CACNA2D3: variants seen among roughly 807,000 people sequenced by gnomAD.
CACNA2D3 encodes the protein voltage-dependent calcium channel subunit alpha-2/delta-3.
In CACNA2D3, 60 loss-of-function variants were observed where a neutral mutation model predicts 160.6. That is an observed-to-expected ratio of 0.37 (90% CI 0.30 to 0.46). The LOEUF is 0.46. Among genes scored for constraint, CACNA2D3 ranks in the 20% least tolerant of loss-of-function variants. The pLI, the probability that CACNA2D3 is intolerant of heterozygous loss-of-function variation, is 1.00. For missense variants in CACNA2D3, 1,205 were observed against 1,365.0 expected (o/e 0.88, Z 1.85); for synonymous variants, 558 against 492.9 (o/e 1.13, Z -1.75).
At chr3:54,853,870 GTGGGGGGA>G (rs539970825) in intron 17 of CACNA2D3, among the ~76,000 whole-genome samples, 79 of 152,260 alleles carry the variant, frequency 5.2e-4, no homozygotes, top group Middle Eastern at 3.4e-3. Flanking sequence ...GCCTATGGGG[GTGGGGGGA>G]TGGGGAGTTG....
intron 2 of CACNA2D3, among the ~76,000 whole-genome samples, chr3:54,220,595 T>A (rs1406734646): frequency 6.6e-6 from 1 of 152,146 alleles, no homozygotes; most frequent in East Asian, 1.9e-4. Flanking sequence ...CTGGGCAGCC[T>A]GGAGCCTCAG....
rs73093852 is a variant in CACNA2D3 at position 54,549,978 on chromosome 3, G to C, written c.545-12822G>C. 1.1e-3 allele frequency among the ~76,000 whole-genome samples: 174 copies of C among 152,256 alleles called. 1 individual carries two copies. The highest frequency in any genetic ancestry group is 1.5e-3 in the Non-Finnish European group (103 of 68,030). ...CTTCCCTGAGTGAATATCAGGAATCGGTTCTTGCTAAATGATGACAGCTGT... is the reference window on the plus strand; with the variant it reads ...CTTCCCTGAGTGAATATCAGGAATCCGTTCTTGCTAAATGATGACAGCTGT... On this transcript the variant is annotated intron_variant, in intron 5 of 37. Coordinates refer to ENST00000474759, the MANE Select transcript of CACNA2D3 (RefSeq NM_018398.3).
At chr3:54,140,821 T>C (rs1388557320) in intron 2 of CACNA2D3, among the ~76,000 whole-genome samples, 1 of 152,220 alleles carries the variant, frequency 6.6e-6, no homozygotes, top group East Asian at 1.9e-4. Flanking sequence ...TTTTGGCTCC[T>C]GTAATAGTCT....
chr3:54,806,652 C>T (rs1017100932), intron 13 of CACNA2D3, among the ~76,000 whole-genome samples: 7 of 152,110 alleles, frequency 4.6e-5, no homozygotes, highest in African/African-American at 9.7e-5. Flanking sequence ...AGATTCAATG[C>T]CATCCCCATC....
intron 9 of CACNA2D3, among the ~76,000 whole-genome samples, chr3:54,597,016 C>T (rs1042228077): frequency 1.1e-4 from 16 of 152,128 alleles, no homozygotes; most frequent in African/African-American, 3.1e-4. Flanking sequence ...ACTGTCTCCA[C>T]GGCACACAGC....
intron 9 of CACNA2D3, among the ~76,000 whole-genome samples, chr3:54,619,717 C>T (rs56091855): frequency 0.17 from 25,681 of 152,146 alleles, 2,867 homozygotes; most frequent in Non-Finnish European, 0.24. Context: ...CTGCTTCCCA[C>T]GGGAATTAAA....
chr3:54,928,079 C>T (rs934368215), intron 27 of CACNA2D3: 2 of 647,812 alleles, frequency 3.1e-6, no homozygotes, highest in African/African-American at 3.6e-5. Context: ...TTTCAAAAGA[C>T]CATTTATTTA....
intron 3 of CACNA2D3, among the ~76,000 whole-genome samples, chr3:54,369,742 G>A (rs922296673): frequency 1.5e-4 from 23 of 152,130 alleles, no homozygotes; most frequent in African/African-American, 5.6e-4. Flanking sequence ...TGTCTCCTCT[G>A]TGAAGTCTTC....
intron 13 of CACNA2D3, among the ~76,000 whole-genome samples, chr3:54,792,190 G>T (rs2106649469): frequency 1.3e-5 from 2 of 152,272 alleles, no homozygotes; most frequent in South Asian, 4.1e-4. Context: ...GGGTGAGCAG[G>T]CAACTGATGC....
At chr3:54,887,262 C>T (rs976413498) in intron 23 of CACNA2D3, among the ~76,000 whole-genome samples, 1 of 151,906 alleles carries the variant, frequency 6.6e-6, no homozygotes, top group Non-Finnish European at 1.5e-5. Flanking sequence ...CCCATCTCTA[C>T]TAAAAATACA....
At chr3:54,939,576 T>C (rs1024334963) in intron 27 of CACNA2D3, among the ~76,000 whole-genome samples, 11 of 152,316 alleles carry the variant, frequency 7.2e-5, no homozygotes, top group Admixed American at 5.9e-4. Context: ...CAAAGTGTGC[T>C]GGGGCCGGAG....
At chr3:55,032,001 A>C (rs1302735453) in intron 35 of CACNA2D3, among the ~76,000 whole-genome samples, 1 of 152,224 alleles carries the variant, frequency 6.6e-6, no homozygotes, top group African/African-American at 2.4e-5. Context: ...ATTTCAGTAG[A>C]TCTAAGCCTA....
intron 27 of CACNA2D3, among the ~76,000 whole-genome samples, chr3:54,931,773 A>G (rs565526468): frequency 6.6e-6 from 1 of 152,210 alleles, no homozygotes. Context: ...TCTATTTACC[A>G]TTTAATTTCC....
chr3:54,315,678 G>A (rs1703843670), intron 2 of CACNA2D3, among the ~76,000 whole-genome samples: 1 of 152,162 alleles, frequency 6.6e-6, no homozygotes, highest in South Asian at 2.1e-4. Context: ...CCTGCAACAT[G>A]GGGGTTTGTG....
chr3:54,370,131 T>G (rs1328058577), intron 3 of CACNA2D3, among the ~76,000 whole-genome samples: 1 of 152,226 alleles, frequency 6.6e-6, no homozygotes, highest in Non-Finnish European at 1.5e-5. Context: ...CAAAATGTTG[T>G]TGCAAATCTA....
rs1249517595 is a variant in CACNA2D3 at position 54,681,129 on chromosome 3, G to GAC, written c.1167+38889_1167+38890insCA. ...GTGTTATTATCTAAGGAGAGAGAGA[G>GAC]AGAGAGAGACAGAGAGAGAAGAGAG... On this transcript the variant is annotated intron_variant, in intron 11 of 37. Transcript: ENST00000474759. Among the ~76,000 whole-genome samples, 10 of 151,916 alleles carry GAC rather than the reference G, an allele frequency of 6.6e-5. No individual in the cohort carries two copies. The South Asian group carries it at 2.1e-3, about 32-fold the overall frequency.
chr3:54,504,873 G>A (rs1421300859), intron 5 of CACNA2D3, among the ~76,000 whole-genome samples: 1 of 152,304 alleles, frequency 6.6e-6, no homozygotes, highest in South Asian at 2.1e-4. Context: ...TTAGTGAGAG[G>A]ATATGAAATG....
chr3:54,833,941 C>G (rs1214248056), intron 14 of CACNA2D3, among the ~76,000 whole-genome samples: 1 of 152,082 alleles, frequency 6.6e-6, no homozygotes, highest in Admixed American at 6.6e-5. Flanking sequence ...GATCATTGGC[C>G]CACATGTGAA....
rs185564545 is a variant in CACNA2D3 at position 54,986,630 on chromosome 3, G to A, written c.2620-1053G>A. Among the ~76,000 whole-genome samples the A allele has an allele frequency of 1.8e-4, 28 of 152,264 alleles. 1 individual carries two copies. Among genetic ancestry groups the A allele is most frequent in the Non-Finnish European group, 1.0e-4 (7 of 68,020 alleles). Reference sequence around the variant, plus strand: ...TTGCTACCTGAAAACTCCCAGGAGTGTGGTTGAGGTCACTCAGTTAGTTGC... The same window carrying A: ...TTGCTACCTGAAAACTCCCAGGAGTATGGTTGAGGTCACTCAGTTAGTTGC... On this transcript the variant is annotated intron_variant, in intron 30 of 37. Transcript: ENST00000474759.
Sources: allele counts gnomAD v4.1 joint callset (sites outside exome capture counted in the v4.1 genomes callset), GRCh38; gene constraint gnomAD v4.1.1; transcripts MANE v1.5; gene names NCBI Gene and HGNC (gene_info 2026-07-23, HGNC 2026-07-21).